Variants in RP1 observed in about 807,000 individuals in gnomAD.
RP1 encodes oxygen-regulated protein 1.
A neutral mutation model predicts 14.8 loss-of-function variants in RP1; 16 were observed. The observed-to-expected ratio is 1.08, with a 90% CI of 0.73 to 1.65. The LOEUF (loss-of-function observed/expected upper bound fraction) is 1.65. RP1 is among the 40% of genes most tolerant of loss of function. RP1 has a pLI of 0.00. For missense variants in RP1, 2,631 were observed against 2,535.0 expected, an observed-to-expected ratio of 1.04 and a Z score of -0.81; for synonymous variants, 876 against 883.6, an observed-to-expected ratio of 0.99 and a Z score of 0.15.
At chr8:54,569,288 T>C (rs1376911646) in intron 1 of RP1, among the ~76,000 whole-genome samples, 1 of 152,230 alleles carries the variant, frequency 6.6e-6, no homozygotes, top group Non-Finnish European at 1.5e-5. Context: ...GTTTGGATTC[T>C]TGGGGTCCCA....
At chr8:54,844,671 C>T (rs1389907838) in intron 25 of RP1, among the ~76,000 whole-genome samples, 2 of 152,190 alleles carry the variant, frequency 1.3e-5, no homozygotes, top group South Asian at 2.1e-4. Flanking sequence ...GGTAAAGTCC[C>T]ATAGATCGTT....
At chr8:54,743,023 T>G (rs563867106) in intron 19 of RP1, among the ~76,000 whole-genome samples, 3 of 152,204 alleles carry the variant, frequency 2.0e-5, no homozygotes. Context: ...GAACACTAAT[T>G]AATTGATTGA....
chr8:54,588,404 G>T (rs1462981248), intron 1 of RP1, among the ~76,000 whole-genome samples: 2 of 152,154 alleles, frequency 1.3e-5, no homozygotes, highest in Non-Finnish European at 2.9e-5. Context: ...GTTCAGAGAG[G>T]GACCCAAGGT....
intron 1 of RP1, among the ~76,000 whole-genome samples, chr8:54,565,370 G>C (rs1011139636): frequency 1.3e-5 from 2 of 152,142 alleles, no homozygotes; most frequent in Non-Finnish European, 2.9e-5. Flanking sequence ...TTCGAGACCA[G>C]CCTGGCCAAC....
intron 19 of RP1, among the ~76,000 whole-genome samples, chr8:54,741,660 G>A (rs1372920538): frequency 9.0e-6 from 1 of 110,560 alleles, no homozygotes; most frequent in East Asian, 2.5e-4. Context: ...AAAAACATAT[G>A]TATAAATAAA....
chr8:54,673,692 A>G (rs1434458012), intron 7 of RP1, among the ~76,000 whole-genome samples: 1 of 152,178 alleles, frequency 6.6e-6, no homozygotes, highest in Non-Finnish European at 1.5e-5. Context: ...GTGAGACAAG[A>G]TTGTGTCATT....
chr8:54,808,289 G>C (rs963898767), intron 24 of RP1, among the ~76,000 whole-genome samples: 2 of 152,178 alleles, frequency 1.3e-5, no homozygotes, highest in African/African-American at 2.4e-5. Flanking sequence ...CTAACTACCT[G>C]ACTTCCCCGC....
At chr8:54,698,461 T>C (rs1355423087) in intron 12 of RP1, among the ~76,000 whole-genome samples, 1 of 152,172 alleles carries the variant, frequency 6.6e-6, no homozygotes, top group Non-Finnish European at 1.5e-5. Flanking sequence ...AGTTCAACCA[T>C]TGTGGAAGAC....
intron 25 of RP1, among the ~76,000 whole-genome samples, chr8:54,839,223 C>A (rs1585736407): frequency 6.6e-6 from 1 of 152,164 alleles, no homozygotes; most frequent in Non-Finnish European, 1.5e-5. Context: ...TCTCTAACTT[C>A]TATTGTTAAT....
At chr8:54,869,912 A>G in exon 29 of RP1, 1 of 1,231,750 alleles carries the variant, frequency 8.1e-7, no homozygotes, top group Non-Finnish European at 1.0e-6. Context: ...GTCCCAGTGC[A>G]GTAGGAGAGA....
At position 54,616,804 on chromosome 8, in the gene RP1, C is replaced by T. The variant is rs536300513; in HGVS notation, c.-13+602C>T. 6.6e-5 allele frequency among the ~76,000 whole-genome samples: 10 copies of T among 152,282 alleles called. No individual in the cohort carries two copies. The East Asian group carries it at 7.7e-4, about 12-fold the overall frequency. On this transcript the variant is annotated intron_variant, in intron 1 of 3. Transcript: ENST00000220676. ...ACTTAAAATATAATTAGTGAAATGA[C>T]GCATGTAACTCTGTCATGTTTTGTC... is the stretch of plus-strand genomic sequence containing the variant.
Position 54,628,656 on chromosome 8 carries a change from T to C in RP1, c.4774T>C (p.Ser1592Pro), listed in dbSNP as rs1298908310. The change falls in exon 4 of 4, where the codon TCA becomes CCA. Residue 1592 changes from serine to proline, a missense_variant. Transcript: ENST00000220676. ...CIKSPVTSDW[S>P]DYRPDSDSEQ... ...CAAAAGTCCAGTGACTTCTGATTGG[T>C]CAGACTATCGGCCTGACAGTGACAG... 1 of 1,614,072 alleles carries C rather than the reference T, an allele frequency of 6.2e-7. No individual in the cohort carries two copies. Among genetic ancestry groups the C allele is most frequent in the Admixed American group, 1.7e-5 (1 of 60,008 alleles).
chr8:54,650,666 C>G, intron 4 of RP1, among the ~76,000 whole-genome samples: 1 of 146,316 alleles, frequency 6.8e-6, no homozygotes, highest in African/African-American at 2.5e-5. Flanking sequence ...TTCCCCTCCC[C>G]CGTCTACCTC....
At chr8:54,807,675 TA>T (rs1486019980) in intron 24 of RP1, among the ~76,000 whole-genome samples, 1 of 113,646 alleles carries the variant, frequency 8.8e-6, no homozygotes, top group East Asian at 3.2e-4. Flanking sequence ...TCTATCTATC[TA>T]TTTATCTATC....
At chr8:54,844,520 G>C (rs1254544837) in intron 25 of RP1, among the ~76,000 whole-genome samples, 1 of 152,080 alleles carries the variant, frequency 6.6e-6, no homozygotes, top group Non-Finnish European at 1.5e-5. Flanking sequence ...GTGTGCGTAT[G>C]TGTGTGCGTG....
intron 7 of RP1, among the ~76,000 whole-genome samples, chr8:54,670,002 A>G (rs1034345721): frequency 6.6e-6 from 1 of 152,308 alleles, no homozygotes; most frequent in South Asian, 2.1e-4. Context: ...CGTTGTGCAC[A>G]TGTACCCTAG....
intron 24 of RP1, among the ~76,000 whole-genome samples, chr8:54,793,935 A>G (rs1324545453): frequency 6.6e-6 from 1 of 151,922 alleles, no homozygotes; most frequent in Non-Finnish European, 1.5e-5. Flanking sequence ...AAATTCCACC[A>G]AAAAGCAGTT....
intron 8 of RP1, among the ~76,000 whole-genome samples, chr8:54,674,381 T>C (rs1807247337): frequency 6.6e-6 from 1 of 152,096 alleles, no homozygotes; most frequent in Admixed American, 6.6e-5. Context: ...ATGCTTTTCC[T>C]CAGTCTTCTC....
chr8:54,621,747 T>A (rs1805886000), intron 2 of RP1, among the ~76,000 whole-genome samples, 166 bp downstream of exon 2: 1 of 152,178 alleles, frequency 6.6e-6, no homozygotes, highest in Non-Finnish European at 1.5e-5. Context: ...TTTGTCAGAA[T>A]CTGACTGGAA....
Sources: gnomAD v4.1 joint callset for allele counts (sites outside exome capture counted in the v4.1 genomes callset) on GRCh38, gnomAD v4.1.1 for gene constraint, MANE v1.5 for transcripts, NCBI Gene and HGNC (gene_info 2026-07-23, HGNC 2026-07-21) for gene names.